The following SLC39A12 variants were observed in gnomAD, a reference collection of about 807,000 sequenced individuals.
The protein encoded by SLC39A12 is zinc transporter ZIP12.
Under a neutral mutation model 71.1 loss-of-function variants are expected in SLC39A12, and 63 were observed. The ratio of observed to expected loss-of-function variants is 0.89; its 90% CI spans 0.72 to 1.09. The LOEUF is 1.09. SLC39A12 is among the 50% of genes least tolerant of loss of function. The probability of loss-of-function intolerance (pLI) is 0.00; values close to 1 mark genes in which losing one functional copy is unlikely to be tolerated. For missense variants in SLC39A12, 892 were observed against 812.6 expected, an observed-to-expected ratio of 1.10 and a Z score of -1.19; for synonymous variants, 351 against 301.3, an observed-to-expected ratio of 1.16 and a Z score of -1.71.
intron 7 of SLC39A12, among the ~76,000 whole-genome samples, chr10:17,989,698 C>G (rs920415977): frequency 6.6e-6 from 1 of 152,120 alleles, no homozygotes; most frequent in African/African-American, 2.4e-5. Flanking sequence ...ACAGGCGGAT[C>G]ACCTGAGGTC....
chr10:17,985,304 CAG>C (rs953904728), intron 6 of SLC39A12, among the ~76,000 whole-genome samples: 4 of 152,196 alleles, frequency 2.6e-5, no homozygotes, highest in Non-Finnish European at 4.4e-5. Flanking sequence ...GATTGTGCCA[CAG>C]CACTCCAGCC....
chr10:18,001,519 G>C (rs548687880), intron 11 of SLC39A12, among the ~76,000 whole-genome samples: 7 of 152,024 alleles, frequency 4.6e-5, no homozygotes, highest in African/African-American at 1.2e-4. Flanking sequence ...ATCTCAAAAA[G>C]AAAAACAAAA....
chr10:17,965,607 G>C lies in SLC39A12; in HGVS notation c.668G>C (p.Gly223Ala), dbSNP rs1286099983. 1.2e-6 allele frequency: 2 copies of C among 1,614,106 alleles called. No homozygotes were observed. Among genetic ancestry groups the C allele is most frequent in the Non-Finnish European group, 1.7e-6 (2 of 1,179,996 alleles). ...TTGTCCCTCCAGGGTGTTTGTCTGG[G>C]ACAAGGAAACTTGCCTTCCCCAGAC... is the stretch of plus-strand genomic sequence containing the variant. ...ITLSLQGVCL[G>A]QGNLPSPDYF... The change falls in exon 4 of 13, where the codon GGA becomes GCA. Residue 223 changes from glycine (G) to alanine (A), a missense_variant. Gly to Ala is a moderately conservative substitution (Grantham distance 60, BLOSUM62 0). Coordinates refer to ENST00000377369, the MANE Select transcript of SLC39A12 (RefSeq NM_001145195.2).
chr10:17,962,550 G>GT (rs781934437), intron 3 of SLC39A12, among the ~76,000 whole-genome samples: 2,716 of 142,436 alleles, frequency 0.019, 64 homozygotes, highest in African/African-American at 0.056. Flanking sequence ...TAAGCCACGG[G>GT]TTTTTTTTTT....
chr10:17,955,096 A>C (rs1554847626), intron 2 of SLC39A12, among the ~76,000 whole-genome samples: 2 of 152,104 alleles, frequency 1.3e-5, no homozygotes, highest in African/African-American at 2.4e-5. Context: ...GCTTCAGGGG[A>C]ATGTTCTCCT....
intron 12 of SLC39A12, among the ~76,000 whole-genome samples, chr10:18,036,794 A>ATATTTT (rs1554855475): frequency 1.0e-3 from 96 of 92,722 alleles, no homozygotes; most frequent in East Asian, 1.8e-3. Flanking sequence ...ATATATATAT[A>ATATTTT]TTTTTTTTTT....
intron 2 of SLC39A12, among the ~76,000 whole-genome samples, chr10:17,960,733 G>A (rs1486951822): frequency 2.6e-5 from 4 of 152,144 alleles, no homozygotes; most frequent in Admixed American, 6.6e-5. Context: ...CCACTAGCCC[G>A]CTTGTAACTG....
intron 7 of SLC39A12, among the ~76,000 whole-genome samples, chr10:17,988,754 C>T (rs1835467807): frequency 6.6e-6 from 1 of 152,176 alleles, no homozygotes; most frequent in South Asian, 2.1e-4. Flanking sequence ...CTGGCTCCGG[C>T]GTCCGCTCTA....
chr10:17,991,141 T>TA lies in SLC39A12; in HGVS notation c.1270-10_1270-9insA, dbSNP rs1554851668. 1.3e-6 allele frequency: 2 copies of TA among 1,522,494 alleles called. No homozygotes were observed. Among genetic ancestry groups the TA allele is most frequent in the Non-Finnish European group, 1.7e-6 (2 of 1,146,014 alleles). The allele number at this position is 1,522,494 out of a possible 1,614,324, so 94.3% of individuals were successfully genotyped here. On this transcript the variant is annotated splice_polypyrimidine_tract_variant and intron_variant, in intron 7 of 12. Transcript: ENST00000377369. ...TCTCTCTGCCTTTTTTTTTTTTTTT[T>TA]CCCCTGAAGGTTCTTGGTTTACATA...
chr10:17,996,445 T>C (rs1835685086), intron 10 of SLC39A12, among the ~76,000 whole-genome samples: 1 of 152,232 alleles, frequency 6.6e-6, no homozygotes, highest in African/African-American at 2.4e-5. Flanking sequence ...CTTAAGGTTT[T>C]AATGTTATGC....
chr10:17,978,612 C>T (rs773799667), intron 5 of SLC39A12, among the ~76,000 whole-genome samples: 2 of 152,132 alleles, frequency 1.3e-5, no homozygotes, highest in Admixed American at 6.5e-5. Context: ...AGAACAAATA[C>T]GGTCTCTTCA....
intron 12 of SLC39A12, among the ~76,000 whole-genome samples, chr10:18,039,697 C>T (rs1197233636): frequency 6.6e-6 from 1 of 152,130 alleles, no homozygotes; most frequent in Non-Finnish European, 1.5e-5. Context: ...CACTGCACTC[C>T]AGCCTGGGCA....
At position 17,965,704 on chromosome 10, in the gene SLC39A12, C is replaced by G. The variant is rs754643527; in HGVS notation, c.751+14C>G. 16 of 1,598,594 alleles carry G rather than the reference C, an allele frequency of 1.0e-5. No individual in the cohort carries two copies. Among genetic ancestry groups the G allele is most frequent in the Non-Finnish European group, 1.4e-5 (16 of 1,167,474 alleles). On this transcript the variant is annotated intron_variant, in intron 4 of 12. Transcript: ENST00000377369. ...TCCGCCTATCAGGTAAGGATGTTTT[C>G]ACGAATTTAACTTCCAAGTCACACC...
intron 12 of SLC39A12, among the ~76,000 whole-genome samples, chr10:18,012,031 T>A (rs1457430111): frequency 6.6e-6 from 1 of 152,320 alleles, no homozygotes; most frequent in African/African-American, 2.4e-5. Context: ...AAAACAGCTA[T>A]GTTAAGTTGT....
chr10:18,037,749 T>G (rs1837097982), intron 12 of SLC39A12, among the ~76,000 whole-genome samples: 1 of 151,866 alleles, frequency 6.6e-6, no homozygotes, highest in Non-Finnish European at 1.5e-5. Flanking sequence ...CTAGGCCAGG[T>G]GCAGGGGCTC....
At chr10:17,961,909 C>T (rs1834701933) in intron 3 of SLC39A12, 47 bp downstream of exon 3, 2 of 1,537,906 alleles carry the variant, frequency 1.3e-6, no homozygotes, top group South Asian at 1.3e-5. Context: ...AGATACAGTT[C>T]TAGAGCCTTA....
At chr10:18,012,974 G>A (rs1222731720) in intron 12 of SLC39A12, among the ~76,000 whole-genome samples, 2 of 151,756 alleles carry the variant, frequency 1.3e-5, no homozygotes, top group Admixed American at 1.3e-4. Context: ...GGGACTTTGA[G>A]ATCTAAACAA....
At chr10:17,986,347 A>G (rs1252063710) in intron 6 of SLC39A12, among the ~76,000 whole-genome samples, 1 of 152,216 alleles carries the variant, frequency 6.6e-6, no homozygotes, top group Non-Finnish European at 1.5e-5. Context: ...TCCTTGCTGT[A>G]ACAAAATACC....
intron 12 of SLC39A12, among the ~76,000 whole-genome samples, chr10:18,040,325 G>T (rs1255804065): frequency 2.0e-5 from 3 of 152,136 alleles, no homozygotes; most frequent in African/African-American, 7.2e-5. Context: ...AGCAGTTCTG[G>T]ATCCTACTTT....
Sources: allele counts gnomAD v4.1 joint callset (sites outside exome capture counted in the v4.1 genomes callset), GRCh38; gene constraint gnomAD v4.1.1; transcripts MANE v1.5; gene names NCBI Gene and HGNC (gene_info 2026-07-23, HGNC 2026-07-21).